The following PIEZO2 variants were observed in gnomAD, a reference collection of about 807,000 sequenced individuals.
PIEZO2 encodes the protein piezo type mechanosensitive ion channel component 2.
Under a neutral mutation model 337.3 loss-of-function variants are expected in PIEZO2, and 172 were observed. That is an observed-to-expected ratio of 0.51 (90% CI 0.45 to 0.58). The LOEUF (loss-of-function observed/expected upper bound fraction) is 0.58, where lower values mean the gene tolerates loss of function less well. Among genes scored for constraint, PIEZO2 ranks in the 20% least tolerant of loss-of-function variants. The probability of loss-of-function intolerance (pLI) is 0.00; values close to 1 mark genes in which losing one functional copy is unlikely to be tolerated. For synonymous variants in PIEZO2, 1,251 were observed against 1,228.5 expected (o/e 1.02, Z -0.38); for missense variants, 3,028 against 3,391.3 (o/e 0.89, Z 2.66).
Position 10,762,726 on chromosome 18 carries a change from T to C in PIEZO2, c.3124-101A>G, listed in dbSNP as rs753632923. The C allele has an allele frequency of 2.7e-4, 377 of 1,413,552 alleles. 1 individual carries two copies. Among genetic ancestry groups the C allele is most frequent in the Admixed American group, 5.0e-4 (22 of 44,132 alleles). The allele number at this position is 1,413,552 out of a possible 1,614,324, so 87.6% of individuals were successfully genotyped here. A position where few individuals can be genotyped will look rare whatever the true frequency, so the allele number is the denominator to read the frequency against. On this transcript the variant is annotated intron_variant, in intron 22 of 55. Transcript: ENST00000674853. The stretch of plus-strand genomic sequence containing the variant: ...CTTGAGCAAAATGATAGTGGTAGGA[T>C]GGGAGGGACAGGCCCATTTCAGGGG...
In PIEZO2 at chr18:11,037,514, A is replaced by G. The variant is rs75782275; in HGVS notation, c.160+28613T>C. Among the ~76,000 whole-genome samples, 570 of 152,354 alleles carry G rather than the reference A, an allele frequency of 3.7e-3. 4 individuals are homozygous for G. Among genetic ancestry groups the G allele is most frequent in the Admixed American group, 6.3e-3 (97 of 15,308 alleles). ...CACTTATTTTTTAAAATTCTGAGCA[A>G]TTAGAGTAGATTGTAAGTCCTAAAT... On this transcript the variant is annotated intron_variant, in intron 2 of 55. Transcript: ENST00000674853.
chr18:10,795,351 A>ATTTTATTATT lies in PIEZO2; in HGVS notation c.1528-350_1528-349insAATAATAAAA, dbSNP rs1555648418. On this transcript the variant is annotated intron_variant, in intron 12 of 55. Transcript: ENST00000674853. The surrounding 1 kb of genome is among the most constrained non-coding windows in gnomAD (Gnocchi z 4.4). Reference sequence around the variant, plus strand: ...ATTTTATTTTATTTTATTTTATTTTATTATTTTATTTTATTTTATTTTATT... The same window carrying ATTTTATTATT: ...ATTTTATTTTATTTTATTTTATTTTATTTTATTATTTTATTTTATTTTATTTTATTTTATT... 8.5e-3 allele frequency among the ~76,000 whole-genome samples: 172 copies of ATTTTATTATT among 20,322 alleles called. 1 individual carries two copies. The East Asian group carries it at 0.11, about 13-fold the overall frequency. The allele number at this position is 20,322 out of a possible 152,430, so 13.3% of individuals were successfully genotyped here. A position where few individuals can be genotyped will look rare whatever the true frequency, so the allele number is the denominator to read the frequency against.
chr18:11,011,714 T>C (rs1359387164), intron 2 of PIEZO2, among the ~76,000 whole-genome samples: 2 of 152,200 alleles, frequency 1.3e-5, no homozygotes, highest in African/African-American at 4.8e-5. Flanking sequence ...GAGAACCCAT[T>C]CCATTGCCTT....
chr18:10,895,770 C>T lies in PIEZO2; in HGVS notation c.329+15416G>A, dbSNP rs2042882722. ...ATGTTGTTTCTGTCTGTCTCTAAAA[C>T]TCAGAGCCAGGCACGGGCAGGCTCA... is the stretch of plus-strand genomic sequence containing the variant. On this transcript the variant is annotated intron_variant, in intron 4 of 55. Transcript: ENST00000674853. The surrounding 1 kb of genome is among the most constrained non-coding windows in gnomAD (Gnocchi z 4.8). 6.6e-6 allele frequency among the ~76,000 whole-genome samples: 1 copy of T among 152,084 alleles called. No individual in the cohort carries two copies. Among genetic ancestry groups the T allele is most frequent in the South Asian group, 2.1e-4 (1 of 4,832 alleles).
chr18:11,098,970 ATT>A (rs34896056), intron 1 of PIEZO2, among the ~76,000 whole-genome samples: 2 of 140,832 alleles, frequency 1.4e-5, no homozygotes, highest in Admixed American at 7.1e-5. Flanking sequence ...TATAATTTAA[ATT>A]TTTTTTTTTT....
intron 34 of PIEZO2, among the ~76,000 whole-genome samples, chr18:10,736,077 G>T (rs1179267977): frequency 6.6e-6 from 1 of 152,102 alleles, no homozygotes; most frequent in African/African-American, 2.4e-5. Context: ...AGGTAGCTAA[G>T]CTGAAAAAAC....
At chr18:11,046,555 C>A (rs7242917) in intron 2 of PIEZO2, among the ~76,000 whole-genome samples, 1,803 of 152,356 alleles carry the variant, frequency 0.012, 51 homozygotes, top group African/African-American at 0.041. Context: ...AGAGAGTGCA[C>A]GCGTCCACAC....
At chr18:10,802,307 C>T (rs562000817) in intron 9 of PIEZO2, among the ~76,000 whole-genome samples, 2 of 152,030 alleles carry the variant, frequency 1.3e-5, no homozygotes, top group Non-Finnish European at 2.9e-5. Flanking sequence ...TACTCATTTG[C>T]ATTCTTAAAA....
chr18:10,836,506 G>C (rs1227824620), intron 7 of PIEZO2, among the ~76,000 whole-genome samples: 1 of 152,102 alleles, frequency 6.6e-6, no homozygotes, highest in Non-Finnish European at 1.5e-5. Flanking sequence ...CTAGAAACCA[G>C]ATCACTTGCA....
Position 11,024,129 on chromosome 18 carries a change from C to T in PIEZO2, c.160+41998G>A, listed in dbSNP as rs865941665. Among the ~76,000 whole-genome samples, 116 of 152,334 alleles carry T rather than the reference C, an allele frequency of 7.6e-4. 1 individual carries two copies. The Middle Eastern group carries it at 0.014, about 18-fold the overall frequency. ...GGTGAGCTGAAGGGCTCCTCAAGCG[C>T]GGCCTGAGTGGGCGCCAAGGCCGCA... is the stretch of plus-strand genomic sequence containing the variant. On this transcript the variant is annotated intron_variant, in intron 2 of 55. Transcript: ENST00000674853.
At position 10,716,342 on chromosome 18, in the gene PIEZO2, A is replaced by G. The variant is rs1223635307; in HGVS notation, c.5090-526T>C. 1.3e-5 allele frequency among the ~76,000 whole-genome samples: 2 copies of G among 152,082 alleles called. No homozygotes were observed. The highest frequency in any genetic ancestry group is 3.9e-4 in the East Asian group (2 of 5,192). On this transcript the variant is annotated intron_variant, in intron 37 of 55. Coordinates refer to ENST00000674853, the MANE Select transcript of PIEZO2 (RefSeq NM_001378183.1). The surrounding 1 kb of genome is among the most constrained non-coding windows in gnomAD (Gnocchi z 4.1). ...CTTCCATTTACTGAATAGGAACTAT[A>G]TTTTCTTTCTGATTTTCTTCATGAC...
intron 1 of PIEZO2, among the ~76,000 whole-genome samples, chr18:11,138,768 G>C (rs1024034338): frequency 2.6e-5 from 4 of 152,192 alleles, no homozygotes; most frequent in Non-Finnish European, 5.9e-5. Flanking sequence ...AAAGTGGCGG[G>C]TGAGCACAGA....
Position 10,965,179 on chromosome 18 carries a change from G to A in PIEZO2, c.286+14356C>T, listed in dbSNP as rs149843255. The stretch of plus-strand genomic sequence containing the variant: ...AGTGAAATTGTTAGATCATGTGGCA[G>A]TTCTATGTTTAATTTTTTGAAGAAC... On this transcript the variant is annotated intron_variant, in intron 3 of 55. Transcript: ENST00000674853. Among the ~76,000 whole-genome samples the A allele has an allele frequency of 2.0e-5, 3 of 152,240 alleles. No homozygotes were observed. In the East Asian group the frequency reaches 5.8e-4, roughly 29 times the overall value.
rs546778094 is a variant in PIEZO2 at position 10,699,908 on chromosome 18, G to A, written c.6442-731C>T. Among the ~76,000 whole-genome samples, 10 of 152,248 alleles carry A rather than the reference G, an allele frequency of 6.6e-5. No homozygotes were observed. The East Asian group carries it at 1.5e-3, about 24-fold the overall frequency. On this transcript the variant is annotated intron_variant, in intron 43 of 55. Transcript: ENST00000674853. The stretch of plus-strand genomic sequence containing the variant: ...CATTGCCTGGTCTTCTCTCTGACTC[G>A]TACATGGAGGACAAGAGCTCCAGGC...
intron 11 of PIEZO2, among the ~76,000 whole-genome samples, chr18:10,798,750 C>G (rs1389621128): frequency 1.3e-5 from 2 of 152,196 alleles, no homozygotes; most frequent in Non-Finnish European, 2.9e-5. Context: ...GTGACCCCAA[C>G]AGCTCAAACG....
chr18:10,738,447 T>A (rs2144130880), intron 33 of PIEZO2: 1 of 152,288 alleles, frequency 6.6e-6, no homozygotes, highest in East Asian at 1.9e-4. Context: ...CCACCAATAT[T>A]TATGTGAGCT....
rs1401081126 is a variant in PIEZO2 at position 11,021,604 on chromosome 18, A to G, written c.161-41944T>C. ...TCACCATCGTGAATGAAAACCACCAAGTGGGGTTCCTGGGGGACTTTGAGT... is the reference window on the plus strand; with the variant it reads ...TCACCATCGTGAATGAAAACCACCAGGTGGGGTTCCTGGGGGACTTTGAGT... On this transcript the variant is annotated intron_variant, in intron 2 of 55. Coordinates refer to ENST00000674853, the MANE Select transcript of PIEZO2 (RefSeq NM_001378183.1). This position sits in a 1 kb window ranked among gnomAD's most constrained non-coding sequence, Gnocchi z 4.7. Among the ~76,000 whole-genome samples the G allele has an allele frequency of 6.6e-6, 1 of 152,120 alleles. No individual in the cohort carries two copies. The highest frequency in any genetic ancestry group is 2.4e-5 in the African/African-American group (1 of 41,424).
intron 2 of PIEZO2, among the ~76,000 whole-genome samples, chr18:11,053,991 T>C (rs1361911392): frequency 1.3e-5 from 2 of 152,150 alleles, no homozygotes; most frequent in East Asian, 3.8e-4. Context: ...ATCACTGCAC[T>C]CCAGCCTGGG....
In PIEZO2 at chr18:10,746,736, C is replaced by A. The variant is rs538801766; in HGVS notation, c.4424+1735G>T. 6.6e-6 allele frequency among the ~76,000 whole-genome samples: 1 copy of A among 152,264 alleles called. No homozygotes were observed. The highest frequency in any genetic ancestry group is 2.1e-4 in the South Asian group (1 of 4,816). On this transcript the variant is annotated intron_variant, in intron 30 of 55. Coordinates refer to ENST00000674853, the MANE Select transcript of PIEZO2 (RefSeq NM_001378183.1). This position sits in a 1 kb window ranked among gnomAD's most constrained non-coding sequence, Gnocchi z 4.2. ...CAAGGGGGGTCTCTTGCCCCTTCCA[C>A]CAAAATAGGATGCAGTGGGAAGATG...
Sources: gnomAD v4.1 joint callset for allele counts (sites outside exome capture counted in the v4.1 genomes callset) on GRCh38, gnomAD v4.1.1 for gene constraint, Gnocchi (gnomAD v3.1) non-coding constraint, MANE v1.5 for transcripts, NCBI Gene and HGNC (gene_info 2026-07-23, HGNC 2026-07-21) for gene names.